Variants in RIPOR3 observed in about 807,000 individuals in gnomAD.
RIPOR3 encodes RIPOR family member 3.
In RIPOR3, 95 loss-of-function variants were observed where a neutral mutation model predicts 114.3. The observed-to-expected ratio is 0.83, with a 90% confidence interval of 0.70 to 0.99. The LOEUF (loss-of-function observed/expected upper bound fraction) is 0.99, where lower values mean the gene tolerates loss of function less well. Ranked by LOEUF, RIPOR3 falls within the 50% of genes least tolerant of loss-of-function variation. The probability of loss-of-function intolerance (pLI) is 0.00; values close to 1 mark genes in which losing one functional copy is unlikely to be tolerated. For missense variants in RIPOR3, 1,252 were observed against 1,266.9 expected, an observed-to-expected ratio of 0.99 and a Z score of 0.18; for synonymous variants, 575 against 543.8, an observed-to-expected ratio of 1.06 and a Z score of -0.80.
chr20:50,608,508 C>G lies in RIPOR3; in HGVS notation c.837G>C (p.Ser279=), dbSNP rs140498431. The part of the protein sequence containing the change: ...IKVTELRGLG[S]LAVGAVTCDI... ...CACACGTCACTGCACCCACAGCCAG[C>G]GAGCCCAGGCCCCGCAACTCCGTCA... Residue 279 remains serine, a synonymous_variant, in exon 11 of 22, where the codon TCG becomes TCC. Coordinates refer to ENST00000327979, the MANE Select transcript of RIPOR3 (RefSeq NM_001290268.2). 6.2e-7 allele frequency: 1 copy of G among 1,613,830 alleles called. No individual in the cohort carries two copies. The highest frequency in any genetic ancestry group is 1.1e-5 in the South Asian group (1 of 91,084).
chr20:50,611,336 C>G, intron 4 of RIPOR3, 132 bp from the exon 5 acceptor site: 2 of 1,146,016 alleles, frequency 1.7e-6, no homozygotes, highest in Non-Finnish European at 2.6e-6. Context: ...CAGCCACCCC[C>G]ACCCACTCCT....
In RIPOR3 at chr20:50,676,835, C is replaced by T. The variant is rs2086693049; in HGVS notation, c.3+14291G>A. Reference sequence around the variant, plus strand: ...CCCAGGCTGGTTTCAAACTCCTGGGCTCAAGCAATCCTCCTGCCTCATTCT... The same window carrying T: ...CCCAGGCTGGTTTCAAACTCCTGGGTTCAAGCAATCCTCCTGCCTCATTCT... On this transcript the variant is annotated intron_variant, in intron 1 of 21. Transcript: ENST00000327979. Among the ~76,000 whole-genome samples, 3 of 41,886 alleles carry T rather than the reference C, an allele frequency of 7.2e-5. No individual in the cohort carries two copies. The South Asian group carries it at 2.9e-3, about 40-fold the overall frequency. The allele number at this position is 41,886 out of a possible 152,430, so 27.5% of individuals were successfully genotyped here.
At chr20:50,601,443 A>C (rs960970240) in intron 13 of RIPOR3, among the ~76,000 whole-genome samples, 1 of 152,238 alleles carries the variant, frequency 6.6e-6, no homozygotes, top group African/African-American at 2.4e-5. Context: ...TTCATCTCAA[A>C]AAATAAATAC....
intron 1 of RIPOR3, among the ~76,000 whole-genome samples, chr20:50,666,840 G>T (rs563610163): frequency 3.3e-5 from 5 of 152,274 alleles, no homozygotes; most frequent in South Asian, 2.1e-4. Context: ...GATTACAGGC[G>T]TGAGTCACCG....
intron 2 of RIPOR3, among the ~76,000 whole-genome samples, chr20:50,621,536 G>A (rs8122104): frequency 6.6e-6 from 1 of 152,262 alleles, no homozygotes; most frequent in African/African-American, 2.4e-5. Flanking sequence ...AGAAGTATGG[G>A]GATCAAGCCT....
Position 50,679,159 on chromosome 20 carries a change from C to G in RIPOR3, c.3+11967G>C, listed in dbSNP as rs1236757787. The stretch of plus-strand genomic sequence containing the variant: ...AAATATATATATATATACACACACA[C>G]ACACACAGAGAGAGAGAGATACACA... On this transcript the variant is annotated intron_variant, in intron 1 of 21. Transcript: ENST00000327979. 1.9e-5 allele frequency among the ~76,000 whole-genome samples: 2 copies of G among 104,838 alleles called. 1 individual carries two copies. The highest frequency in any genetic ancestry group is 2.3e-4 in the Admixed American group (2 of 8,806). The allele number at this position is 104,838 out of a possible 152,430, so 68.8% of individuals were successfully genotyped here.
At chr20:50,611,265 C>T in intron 4 of RIPOR3, 61 bp from the exon 5 acceptor site, 1 of 1,608,414 alleles carries the variant, frequency 6.2e-7, no homozygotes, top group Admixed American at 1.7e-5. Context: ...CCTCCAAGGC[C>T]TATGAGGCTC....
At position 50,589,729 on chromosome 20, in the gene RIPOR3, G is replaced by T. The variant is rs1425109935; in HGVS notation, c.2618C>A (p.Ala873Glu). ...TAGGCATGCGGCCTGCTGGAGCCTTGCGTCGTTCTCTGCCAGGGCGTTGGT... is the reference window on the plus strand; with the variant it reads ...TAGGCATGCGGCCTGCTGGAGCCTTTCGTCGTTCTCTGCCAGGGCGTTGGT... ...FYTNALAEND[A>E]RLQQAACLAL... The change falls in exon 20 of 22, where the codon GCA (alanine) becomes GAA (glutamate). Residue 873 changes from alanine (A) to glutamate (E), a missense_variant. Physicochemically the swap from Ala to Glu is moderately radical, Grantham distance 107. Transcript: ENST00000327979. The T allele has an allele frequency of 6.2e-7, 1 of 1,613,934 alleles. No homozygotes were observed. The highest frequency in any genetic ancestry group is 8.5e-7 in the Non-Finnish European group (1 of 1,179,876).
chr20:50,677,638 C>T (rs919436746), intron 1 of RIPOR3, among the ~76,000 whole-genome samples: 1 of 150,176 alleles, frequency 6.7e-6, no homozygotes, highest in African/African-American at 2.4e-5. Flanking sequence ...TCCCAAAGTG[C>T]TGGGATTACA....
intron 1 of RIPOR3, among the ~76,000 whole-genome samples, chr20:50,638,385 T>C (rs1446171521): frequency 6.6e-6 from 1 of 152,258 alleles, no homozygotes; most frequent in Admixed American, 6.5e-5. Context: ...CGCTTCCCTC[T>C]GTCTATCAGT....
intron 1 of RIPOR3, among the ~76,000 whole-genome samples, chr20:50,666,989 G>T (rs1430218507): frequency 6.6e-6 from 1 of 152,152 alleles, no homozygotes; most frequent in African/African-American, 2.4e-5. Context: ...AAGCGGGCGA[G>T]GTATCTGGAA....
chr20:50,628,360 A>T (rs887232724), intron 2 of RIPOR3, among the ~76,000 whole-genome samples: 3 of 151,866 alleles, frequency 2.0e-5, no homozygotes, highest in African/African-American at 7.3e-5. Flanking sequence ...ACTGCAGCCC[A>T]TGAGGCTCCG....
intron 1 of RIPOR3, among the ~76,000 whole-genome samples, chr20:50,676,394 G>A (rs770840254): frequency 5.9e-5 from 9 of 152,196 alleles, no homozygotes; most frequent in South Asian, 2.1e-4. Context: ...GCTCATGCCT[G>A]TAATCCCAGA....
intron 1 of RIPOR3, among the ~76,000 whole-genome samples, chr20:50,676,432 G>A (rs946927237): frequency 3.9e-5 from 6 of 151,996 alleles, no homozygotes; most frequent in Non-Finnish European, 8.8e-5. Flanking sequence ...CAGGAGGTTC[G>A]CTGGAGCCCA....
At chr20:50,608,759 G>A in intron 9 of RIPOR3, 21 bp from the exon 10 acceptor site, 1 of 1,613,490 alleles carries the variant, frequency 6.2e-7, no homozygotes, top group African/African-American at 1.3e-5. Context: ...GCCCGAGAGG[G>A]GCCGCGTCAG....
In RIPOR3 at chr20:50,608,408, G is replaced by A. The variant is rs576401413; in HGVS notation, c.937C>T (p.Gln313Ter). ...ACTCACTTCCACTGCACCTCCAGCT[G>A]CAGCTTGATGGTACCCAACTCCGTG... ...DITELGTIKLQLEVQWNPFDT... is the reference protein window; with the variant it reads ...DITELGTIKL Residue 313 changes from glutamine (Q) to a stop codon, truncating the protein, a stop_gained, in exon 11 of 22, where the codon CAG (glutamine) becomes TAG (stop). Transcript: ENST00000327979. LOFTEE classifies it high-confidence loss of function. The A allele has an allele frequency of 1.2e-6, 2 of 1,613,958 alleles. No homozygotes were observed. The highest frequency in any genetic ancestry group is 1.3e-5 in the African/African-American group (1 of 75,018).
chr20:50,634,439 T>C (rs766352331), intron 1 of RIPOR3, among the ~76,000 whole-genome samples: 6 of 152,118 alleles, frequency 3.9e-5, no homozygotes, highest in Admixed American at 6.6e-5. Context: ...TAGCTGTGTC[T>C]GGTGTTTCCT....
intron 2 of RIPOR3, among the ~76,000 whole-genome samples, chr20:50,626,719 C>T (rs556296211): frequency 2.0e-4 from 30 of 152,306 alleles, no homozygotes; most frequent in African/African-American, 7.2e-4. Flanking sequence ...GCTCTTTATT[C>T]AAAATTTATC....
chr20:50,649,590 C>T (rs569486544), intron 1 of RIPOR3, among the ~76,000 whole-genome samples: 3 of 152,274 alleles, frequency 2.0e-5, no homozygotes, highest in East Asian at 3.9e-4. Context: ...GCCTGTCCCC[C>T]ACCCCCACCC....
Sources: gnomAD v4.1 joint callset for allele counts (sites outside exome capture counted in the v4.1 genomes callset) on GRCh38, gnomAD v4.1.1 for gene constraint, MANE v1.5 for transcripts, NCBI Gene and HGNC (gene_info 2026-07-23, HGNC 2026-07-21) for gene names.